The following FHIT variants were observed in gnomAD, a reference collection of about 807,000 sequenced individuals.
FHIT encodes the protein bis(5'-adenosyl)-triphosphatase.
A neutral mutation model predicts 17.9 loss-of-function variants in FHIT; 19 were observed. The observed-to-expected ratio is 1.06, with a 90% CI of 0.74 to 1.56. The LOEUF (loss-of-function observed/expected upper bound fraction) is 1.56. Ranked by LOEUF, FHIT falls within the 40% of genes most tolerant of loss-of-function variation. The probability of loss-of-function intolerance (pLI) is 0.00; values close to 1 mark genes in which losing one functional copy is unlikely to be tolerated. For missense variants in FHIT, 248 were observed against 189.2 expected (o/e 1.31, Z -1.82); for synonymous variants, 81 against 69.7 (o/e 1.16, Z -0.81).
At chr3:60,040,418 A>G (rs989703135) in intron 5 of FHIT, among the ~76,000 whole-genome samples, 6 of 152,120 alleles carry the variant, frequency 3.9e-5, no homozygotes, top group Non-Finnish European at 5.9e-5. Context: ...TGCTGGGATT[A>G]CAGGCATGAG....
intron 4 of FHIT, among the ~76,000 whole-genome samples, chr3:60,803,376 A>C (rs1701265622): frequency 6.6e-6 from 1 of 152,188 alleles, no homozygotes. Context: ...GCATTCTTCC[A>C]TCGTGATTAG....
chr3:60,365,975 C>T (rs969426310), intron 5 of FHIT, among the ~76,000 whole-genome samples: 1 of 152,152 alleles, frequency 6.6e-6, no homozygotes, highest in Non-Finnish European at 1.5e-5. Context: ...ATCATTTTGC[C>T]TTCATTGAAT....
intron 5 of FHIT, among the ~76,000 whole-genome samples, chr3:60,305,850 G>A (rs1050345825): frequency 5.9e-5 from 9 of 152,024 alleles, no homozygotes; most frequent in Admixed American, 5.9e-4. Context: ...GCTATTTAAT[G>A]GTTTGGTGAT....
chr3:61,186,199 G>A (rs1232187093), intron 2 of FHIT, among the ~76,000 whole-genome samples: 5 of 152,158 alleles, frequency 3.3e-5, no homozygotes, highest in Non-Finnish European at 5.9e-5. Flanking sequence ...CTCTTCCAGT[G>A]TTATTAAAGT....
At chr3:59,771,758 G>A (rs49413) in intron 8 of FHIT, among the ~76,000 whole-genome samples, 116,420 of 152,146 alleles carry the variant, frequency 0.77, 44,836 homozygotes, top group African/African-American at 0.79. Flanking sequence ...CAGACTTCTC[G>A]TCATAAAAAA....
chr3:60,323,530 A>G (rs1351113432), intron 5 of FHIT, among the ~76,000 whole-genome samples: 8 of 152,120 alleles, frequency 5.3e-5, no homozygotes, highest in Non-Finnish European at 8.8e-5. Flanking sequence ...TGCAGGCTGG[A>G]AACAAGGCCA....
chr3:60,783,870 G>A (rs1295376613), intron 4 of FHIT, among the ~76,000 whole-genome samples: 6 of 152,140 alleles, frequency 3.9e-5, no homozygotes, highest in Admixed American at 2.0e-4. Context: ...TAATCCCAAT[G>A]CCCCTTTCTC....
chr3:60,855,783 T>C (rs1312574796), intron 3 of FHIT, among the ~76,000 whole-genome samples: 1 of 152,082 alleles, frequency 6.6e-6, no homozygotes, highest in African/African-American at 2.4e-5. Context: ...TAGTGTACTT[T>C]CCACAGCCTA....
intron 5 of FHIT, among the ~76,000 whole-genome samples, chr3:60,265,904 T>A (rs2107618055): frequency 6.6e-6 from 1 of 151,824 alleles, no homozygotes; most frequent in East Asian, 1.9e-4. Flanking sequence ...AGGTCACCTA[T>A]AACTAAAAAA....
chr3:60,834,623 C>T (rs949992216), intron 3 of FHIT, among the ~76,000 whole-genome samples: 18 of 151,728 alleles, frequency 1.2e-4, no homozygotes, highest in Non-Finnish European at 4.4e-5. Flanking sequence ...TTTGGGAGGC[C>T]GAGGAGGGTG....
In FHIT at chr3:60,130,807, ATGTG is replaced by A. The variant is rs1333160460; in HGVS notation, c.104-116659_104-116656del. Among the ~76,000 whole-genome samples the A allele has an allele frequency of 8.2e-5, 8 of 97,302 alleles. 1 individual carries two copies. The highest frequency in any genetic ancestry group is 3.2e-4 in the African/African-American group (8 of 24,716). 63.8% of individuals were successfully genotyped at this position (97,302 alleles called of 152,430 possible). A position where few individuals can be genotyped will look rare whatever the true frequency, so the allele number is the denominator to read the frequency against. On this transcript the variant is annotated intron_variant, in intron 5 of 9. Coordinates refer to ENST00000492590, the MANE Select transcript of FHIT (RefSeq NM_002012.4). ...GTGGTGTGTATATACACACATATAT[ATGTG>A]TGTATGTGTGTATAGGTGTGTACAT...
At chr3:60,091,493 C>A (rs564900838) in intron 5 of FHIT, among the ~76,000 whole-genome samples, 1 of 152,240 alleles carries the variant, frequency 6.6e-6, no homozygotes, top group South Asian at 2.1e-4. Flanking sequence ...TGGCACAGAA[C>A]ATTCTTCTCT....
chr3:60,107,150 C>CTTTTTTTTTTT (rs540311961), intron 5 of FHIT, among the ~76,000 whole-genome samples: 1 of 95,158 alleles, frequency 1.1e-5, no homozygotes, highest in Non-Finnish European at 2.0e-5. Context: ...AGCTTTAATT[C>CTTTTTTTTTTT]TTTTTTTTTT....
At chr3:60,822,999 A>C (rs1553739824) in intron 3 of FHIT, among the ~76,000 whole-genome samples, 2 of 152,200 alleles carry the variant, frequency 1.3e-5, no homozygotes, top group Non-Finnish European at 2.9e-5. Flanking sequence ...TTCCTTTTTT[A>C]ATCTAATAAT....
chr3:60,039,659 A>G (rs1449253903), intron 5 of FHIT, among the ~76,000 whole-genome samples: 2 of 152,240 alleles, frequency 1.3e-5, no homozygotes, highest in Non-Finnish European at 2.9e-5. Flanking sequence ...AAATAATGTA[A>G]TAACAGCAAA....
intron 2 of FHIT, among the ~76,000 whole-genome samples, chr3:61,167,714 GAAAAGAAAAGAA>G (rs1029840470): frequency 6.0e-5 from 9 of 150,908 alleles, no homozygotes; most frequent in East Asian, 1.9e-4. Context: ...GAAAGGAAAG[GAAAAGAAAAGAA>G]AAAAGAAAAG....
chr3:60,272,335 T>C (rs1178922261), intron 5 of FHIT, among the ~76,000 whole-genome samples: 2 of 152,098 alleles, frequency 1.3e-5, no homozygotes, highest in African/African-American at 4.8e-5. Flanking sequence ...AAATGGAAGG[T>C]TGCATAGACC....
intron 8 of FHIT, among the ~76,000 whole-genome samples, chr3:59,909,083 G>C (rs1704737392): frequency 6.6e-6 from 1 of 151,934 alleles, no homozygotes; most frequent in Admixed American, 6.6e-5. Flanking sequence ...ACCCAGGATG[G>C]AATGCAGTGG....
intron 5 of FHIT, among the ~76,000 whole-genome samples, chr3:60,296,242 A>G (rs1311391514): frequency 2.0e-5 from 3 of 152,110 alleles, no homozygotes; most frequent in African/African-American, 4.8e-5. Context: ...AGGGGAAAGA[A>G]GAGGAGGAAC....
Sources: gnomAD v4.1 joint callset for allele counts (sites outside exome capture counted in the v4.1 genomes callset) on GRCh38, gnomAD v4.1.1 for gene constraint, MANE v1.5 for transcripts, NCBI Gene and HGNC (gene_info 2026-07-23, HGNC 2026-07-21) for gene names.